The following DNAH1 variants were observed in gnomAD, a reference collection of about 807,000 sequenced individuals.
DNAH1 encodes dynein axonemal heavy chain 1.
Under a neutral mutation model 484.3 loss-of-function variants are expected in DNAH1, and 327 were observed. The observed-to-expected ratio is 0.68, with a 90% CI of 0.62 to 0.74. DNAH1 has a LOEUF of 0.74. Ranked by LOEUF, DNAH1 falls within the 30% of genes least tolerant of loss-of-function variation. The probability of loss-of-function intolerance (pLI) is 0.00; values close to 1 mark genes in which losing one functional copy is unlikely to be tolerated. For missense variants in DNAH1, 5,052 were observed against 5,546.8 expected (o/e 0.91, Z 2.83); for synonymous variants, 2,192 against 2,191.9 (o/e 1.00, Z 0.00).
Position 52,395,658 on chromosome 3 carries a change from G to A in DNAH1, c.11239G>A (p.Glu3747Lys), listed in dbSNP as rs746993335. The A allele has an allele frequency of 4.3e-6, 7 of 1,613,672 alleles. No individual in the cohort carries two copies. The highest frequency in any genetic ancestry group is 5.9e-6 in the Non-Finnish European group (7 of 1,179,862). The change falls in exon 70 of 78, where the codon GAG becomes AAG. Residue 3747 changes from glutamate (E) to lysine (K), a missense_variant. Transcript: ENST00000420323. This position sits in a 1 kb window ranked among gnomAD's most constrained non-coding sequence, Gnocchi z 4.4. ...GATGCCAGCCCTAGAACGCCTCATC[G>A]AGCACATCAACCCCGACAAGGTGTG... ...SWMPALERLIEHINPDKVHRD... is the reference protein window; with the variant it reads ...SWMPALERLIKHINPDKVHRD...
chr3:52,326,749 A>T lies in DNAH1; in HGVS notation c.596A>T (p.Tyr199Phe). The T allele has an allele frequency of 6.2e-7, 1 of 1,613,344 alleles. No homozygotes were observed. The highest frequency in any genetic ancestry group is 8.5e-7 in the Non-Finnish European group (1 of 1,179,496). The change falls in exon 5 of 78, where the codon TAC becomes TTC. Residue 199 changes from tyrosine to phenylalanine, a missense_variant. Coordinates refer to ENST00000420323, the MANE Select transcript of DNAH1 (RefSeq NM_015512.5). ...KIEIERRKQQ[Y>F]LSLDIEQLLF... The stretch of plus-strand genomic sequence containing the variant: ...CCCTTGACCAGGAGGAAACAGCAGT[A>T]CCTGAGCCTGGACATTGAGCAGTTG...
rs1702315583 is a variant in DNAH1, at chr3:52,350,168, A to C, written c.2646+60A>C. ...GCACAGGGCTGGTGTTAAGAGTCCG[A>C]GGGCTGGGGCAGGCAGGGGCTGGGA... On this transcript the variant is annotated intron_variant, in intron 15 of 77. Transcript: ENST00000420323. 1.9e-6 allele frequency: 3 copies of C among 1,578,524 alleles called. No homozygotes were observed. The South Asian group carries it at 3.5e-5, about 18-fold the overall frequency.
intron 34 of DNAH1, 139 bp downstream of exon 34, chr3:52,365,158 G>A (rs1703021428): frequency 8.0e-7 from 1 of 1,245,858 alleles, no homozygotes; most frequent in Admixed American, 2.9e-5. Flanking sequence ...CGGGCTCTCA[G>A]CCGAGCAATC....
At position 52,396,376 on chromosome 3, in the gene DNAH1, G is replaced by A. The variant is rs1300643415; in HGVS notation, c.11268G>A (p.Arg3756=). Residue 3756 remains arginine, a synonymous_variant, in exon 71 of 78, where the codon AGG becomes AGA. Coordinates refer to ENST00000420323, the MANE Select transcript of DNAH1 (RefSeq NM_015512.5). The part of the protein sequence containing the change: ...IEHINPDKVH[R]DFRLWLTSLP... ...GGAGCCATGGCCACCAGGTACACAG[G>A]GACTTCCGCCTCTGGCTCACCAGCC... 6.3e-7 allele frequency: 1 copy of A among 1,575,858 alleles called. No homozygotes were observed. The highest frequency in any genetic ancestry group is 8.6e-7 in the Non-Finnish European group (1 of 1,161,626).
intron 1 of DNAH1, among the ~76,000 whole-genome samples, chr3:52,320,169 T>C (rs1701092786): frequency 6.6e-6 from 1 of 152,214 alleles, no homozygotes; most frequent in South Asian, 2.1e-4. Flanking sequence ...GGTGATTTTG[T>C]TCAAAGATGA....
At chr3:52,387,014 A>G (rs537479241) in intron 56 of DNAH1, among the ~76,000 whole-genome samples, 161 bp downstream of exon 56, 2 of 152,260 alleles carry the variant, frequency 1.3e-5, no homozygotes, top group Non-Finnish European at 2.9e-5. Flanking sequence ...GCACCACACA[A>G]GGGCCCGAGG....
At chr3:52,386,112 C>T in intron 54 of DNAH1, 48 bp from the exon 55 acceptor site, 1 of 1,561,660 alleles carries the variant, frequency 6.4e-7, no homozygotes, top group Non-Finnish European at 8.7e-7. Context: ...GACTAAGATG[C>T]AGAGAAGAGA....
At position 52,358,782 on chromosome 3, in the gene DNAH1, C is replaced by A. The variant is rs751191502; in HGVS notation, c.4266+45C>A. 1 of 1,603,938 alleles carries A rather than the reference C, an allele frequency of 6.2e-7. No homozygotes were observed. Among genetic ancestry groups the A allele is most frequent in the Non-Finnish European group, 8.5e-7 (1 of 1,176,716 alleles). ...TGCAGCCTTCCACCCCTGCACCCCT[C>A]TGCTCCCTCTCAGTGCCCCTCCTGC... On this transcript the variant is annotated intron_variant, in intron 25 of 77. Coordinates refer to ENST00000420323, the MANE Select transcript of DNAH1 (RefSeq NM_015512.5). The surrounding 1 kb of genome is among the most constrained non-coding windows in gnomAD (Gnocchi z 4.2).
At chr3:52,392,182 A>G (rs1305369737) in intron 63 of DNAH1, among the ~76,000 whole-genome samples, 3 of 152,186 alleles carry the variant, frequency 2.0e-5, no homozygotes, top group Non-Finnish European at 4.4e-5. Flanking sequence ...CTTGCCAAGG[A>G]GGTATTGTCC....
At chr3:52,393,633 C>G in intron 66 of DNAH1, 148 bp downstream of exon 66, 3 of 1,238,192 alleles carry the variant, frequency 2.4e-6, no homozygotes, top group Non-Finnish European at 3.3e-6. Flanking sequence ...TAAAAGCAGC[C>G]AGGGCCGGGC....
Position 52,350,611 on chromosome 3 carries a change from C to T in DNAH1, c.2729+21C>T, listed in dbSNP as rs750838623. On this transcript the variant is annotated intron_variant, in intron 16 of 77. Transcript: ENST00000420323. ...GACAAGTGAGTGGGAGCTTGGCCCCCATGCCAGGTGCGGGGTGGAGCATGA... is the reference window on the plus strand; with the variant it reads ...GACAAGTGAGTGGGAGCTTGGCCCCTATGCCAGGTGCGGGGTGGAGCATGA... The T allele has an allele frequency of 3.0e-5, 49 of 1,610,580 alleles. 1 individual carries two copies. Among genetic ancestry groups the T allele is most frequent in the Admixed American group, 2.2e-4 (13 of 59,636 alleles).
intron 42 of DNAH1, 25 bp downstream of exon 42, chr3:52,372,111 T>C: frequency 6.2e-7 from 1 of 1,612,206 alleles, no homozygotes; most frequent in Non-Finnish European, 8.5e-7. Context: ...AGGCCCTGCC[T>C]CCACTGTCCC....
chr3:52,344,479 T>C lies in DNAH1; in HGVS notation c.1287-11T>C. 1 of 1,611,134 alleles carries C rather than the reference T, an allele frequency of 6.2e-7. No individual in the cohort carries two copies. Among genetic ancestry groups the C allele is most frequent in the African/African-American group, 1.3e-5 (1 of 75,006 alleles). On this transcript the variant is annotated splice_polypyrimidine_tract_variant and intron_variant, in intron 8 of 77. Coordinates refer to ENST00000420323, the MANE Select transcript of DNAH1 (RefSeq NM_015512.5). The stretch of plus-strand genomic sequence containing the variant: ...GCCCCTGATTCCCCCATCTCCCATC[T>C]CTATGGGCAGGGTTCTAGAGCACCT...
At chr3:52,366,368 A>G in intron 34 of DNAH1, 89 bp from the exon 35 acceptor site, 1 of 1,020,498 alleles carries the variant, frequency 9.8e-7, no homozygotes, top group South Asian at 1.5e-5. Flanking sequence ...CAGGGAGTGC[A>G]GTGACTCACC....
chr3:52,357,924 T>G lies in DNAH1; in HGVS notation c.4007T>G (p.Leu1336Arg). 1 of 1,613,164 alleles carries G rather than the reference T, an allele frequency of 6.2e-7. No homozygotes were observed. Among genetic ancestry groups the G allele is most frequent in the Non-Finnish European group, 8.5e-7 (1 of 1,179,756 alleles). ...TTCTACTTCCTGTCAGATGATGAAC[T>G]ACTAGAGATCTTGTCGCAGACAAAG... ...PRFYFLSDDE[L>R]LEILSQTKDP... Residue 1336 changes from leucine to arginine, a missense_variant, in exon 24 of 78, where the codon CTA becomes CGA. By Grantham distance (102) the Leu-to-Arg change is moderately radical. This residue lies in a region of DNAH1 where 2,929 missense variants were observed against 3,409.4 expected (regional missense o/e 0.86). Transcript: ENST00000420323.
In DNAH1 at chr3:52,396,935, G is replaced by A; in HGVS notation, c.11678G>A (p.Cys3893Tyr). ...GRVTDDWDRR[C>Y]IMNILEDFYN... ...GTCACTGATGACTGGGACCGGCGCT[G>A]CATCATGAACATCTTGGAGGACTTC... Residue 3893 changes from cysteine to tyrosine, a missense_variant, in exon 73 of 78, where the codon TGC (cysteine) becomes TAC (tyrosine). Cys to Tyr is a radical substitution (Grantham distance 194). Around this residue, in one of 4 missense-constraint regions of DNAH1, gnomAD observed 853 missense variants for 899.0 expected, o/e 0.95. Transcript: ENST00000420323. 1.2e-6 allele frequency: 2 copies of A among 1,613,472 alleles called. No individual in the cohort carries two copies. Among genetic ancestry groups the A allele is most frequent in the African/African-American group, 1.3e-5 (1 of 74,996 alleles).
Position 52,362,868 on chromosome 3 carries a change from A to G in DNAH1, c.5095-127A>G. 7.5e-7 allele frequency: 1 copy of G among 1,338,742 alleles called. No homozygotes were observed. Among genetic ancestry groups the G allele is most frequent in the African/African-American group, 1.4e-5 (1 of 69,770 alleles). 82.9% of individuals were successfully genotyped at this position (1,338,742 alleles called of 1,614,324 possible). A position where few individuals can be genotyped will look rare whatever the true frequency, so the allele number is the denominator to read the frequency against. ...GAGCTACCAGTCTCAGGGGAGTGAAAGCCTCAGCTGTGGCAGGCTTGGTGC... is the reference window on the plus strand; with the variant it reads ...GAGCTACCAGTCTCAGGGGAGTGAAGGCCTCAGCTGTGGCAGGCTTGGTGC... On this transcript the variant is annotated intron_variant, in intron 31 of 77. Coordinates refer to ENST00000420323, the MANE Select transcript of DNAH1 (RefSeq NM_015512.5). The surrounding 1 kb of genome is among the most constrained non-coding windows in gnomAD (Gnocchi z 5.1).
intron 1 of DNAH1, among the ~76,000 whole-genome samples, chr3:52,320,247 C>G (rs1226484767): frequency 2.6e-5 from 4 of 152,216 alleles, no homozygotes; most frequent in African/African-American, 9.7e-5. Flanking sequence ...CTTTAGGGTA[C>G]TTCGGGAAGT....
intron 8 of DNAH1, among the ~76,000 whole-genome samples, chr3:52,341,663 G>A (rs1295267067): frequency 6.6e-6 from 1 of 151,998 alleles, no homozygotes; most frequent in Admixed American, 6.6e-5. Flanking sequence ...ATCATAACTG[G>A]GACGTGTTCC....
Sources: gnomAD v4.1 joint callset for allele counts (sites outside exome capture counted in the v4.1 genomes callset) on GRCh38, gnomAD v4.1.1 for gene constraint, gnomAD v4.1.1 regional missense constraint, Gnocchi (gnomAD v3.1) non-coding constraint, MANE v1.5 for transcripts, NCBI Gene and HGNC (gene_info 2026-07-23, HGNC 2026-07-21) for gene names.